The following KIAA0586 variants were observed in gnomAD, a reference collection of about 807,000 sequenced individuals.
The protein encoded by KIAA0586 is KIAA0586.
In KIAA0586, 144 loss-of-function variants were observed where a neutral mutation model predicts 169.8. The ratio of observed to expected loss-of-function variants is 0.85; its 90% CI spans 0.74 to 0.97. KIAA0586 has a LOEUF of 0.97. Among genes scored for constraint, KIAA0586 ranks in the 50% least tolerant of loss-of-function variants. The pLI, the probability that KIAA0586 is intolerant of heterozygous loss-of-function variation, is 0.00. For missense variants in KIAA0586, 1,854 were observed against 1,823.0 expected, an observed-to-expected ratio of 1.02 and a Z score of -0.31; for synonymous variants, 625 against 612.4, an observed-to-expected ratio of 1.02 and a Z score of -0.30.
chr14:58,472,263 TA>T lies in KIAA0586; in HGVS notation c.2620del (p.Ile874SerfsTer55). 6.4e-7 allele frequency: 1 copy of T among 1,567,574 alleles called. No individual in the cohort carries two copies. Among genetic ancestry groups the T allele is most frequent in the Non-Finnish European group, 8.7e-7 (1 of 1,154,306 alleles). On this transcript the variant is annotated frameshift_variant, in exon 18 of 31. Transcript: ENST00000652326. LOFTEE classifies it high-confidence loss of function. ...VKFPGTNFDE[I>X]IDVIQEEEKC... ...TTTCCAGGAACTAACTTTGATGAAA[TA>T]ATCGATGTCATACAGGTAACAAAGC... is the stretch of plus-strand genomic sequence containing the variant.
chr14:58,452,143 C>T (rs998852695), intron 8 of KIAA0586, among the ~76,000 whole-genome samples: 6 of 151,904 alleles, frequency 3.9e-5, no homozygotes, highest in Non-Finnish European at 7.4e-5. Context: ...GGGTGGGAAG[C>T]GGGTGAGGGA....
chr14:58,555,136 T>C (rs2047235490), downstream of KIAA0586, among the ~76,000 whole-genome samples: 1 of 144,350 alleles, frequency 6.9e-6, no homozygotes, highest in Admixed American at 7.4e-5. Flanking sequence ...AGTCTTGCTC[T>C]GTCGCCCAGG....
intron 26 of KIAA0586, among the ~76,000 whole-genome samples, chr14:58,496,372 C>G (rs1324096622): frequency 6.6e-6 from 1 of 152,060 alleles, no homozygotes; most frequent in African/African-American, 2.4e-5. Context: ...TCAGCAGTTG[C>G]AAATATCCTA....
chr14:58,533,679 G>A (rs1428409748), intron 29 of KIAA0586, among the ~76,000 whole-genome samples: 2 of 152,136 alleles, frequency 1.3e-5, no homozygotes, highest in East Asian at 1.9e-4. Flanking sequence ...GCACTGCTGC[G>A]ATGGCCTTGC....
At chr14:58,438,665 A>G (rs2038036818) in intron 4 of KIAA0586, among the ~76,000 whole-genome samples, 1 of 152,252 alleles carries the variant, frequency 6.6e-6, no homozygotes, top group Non-Finnish European at 1.5e-5. Context: ...GTTGATAGGT[A>G]GTAAATGCAA....
chr14:58,466,642 A>G (rs1279577671), intron 15 of KIAA0586, among the ~76,000 whole-genome samples: 2 of 152,144 alleles, frequency 1.3e-5, no homozygotes, highest in Non-Finnish European at 2.9e-5. Context: ...AAGCAGGAGA[A>G]TCCCTTCAGT....
downstream of KIAA0586, chr14:58,551,365 T>C (rs1473735984): frequency 1.3e-5 from 2 of 152,218 alleles, no homozygotes; most frequent in Non-Finnish European, 2.9e-5. Flanking sequence ...TAAACATATA[T>C]CTTAAGATCT....
chr14:58,495,937 G>A (rs76674762), intron 26 of KIAA0586, among the ~76,000 whole-genome samples: 224 of 152,222 alleles, frequency 1.5e-3, no homozygotes, highest in African/African-American at 5.0e-3. Context: ...CTAGCTGTAT[G>A]AGATCCCTTT....
At chr14:58,489,027 C>G (rs1687282252) in intron 24 of KIAA0586, among the ~76,000 whole-genome samples, 153 bp downstream of exon 24, 1 of 152,084 alleles carries the variant, frequency 6.6e-6, no homozygotes, top group South Asian at 2.1e-4. Context: ...GTTAACTTTT[C>G]TGGGTCTTAA....
At position 58,482,492 on chromosome 14, in the gene KIAA0586, A is replaced by AT. The variant is rs748594194; in HGVS notation, c.2945-9dup. On this transcript the variant is annotated intron_variant, in intron 20 of 30. Transcript: ENST00000652326. Reference sequence around the variant, plus strand: ...GCATGTTTCTTGCCCACTTATTCTGATTTTTTTTTTTTACTTTTAGTGGAA... The same window carrying AT: ...GCATGTTTCTTGCCCACTTATTCTGATTTTTTTTTTTTTACTTTTAGTGGAA... 0.039 allele frequency: 41,855 copies of AT among 1,076,144 alleles called. 21 individuals are homozygous for AT. Among genetic ancestry groups the AT allele is most frequent in the Non-Finnish European group, 0.044 (35,065 of 791,248 alleles). The allele number at this position is 1,076,144 out of a possible 1,614,324, so 66.7% of individuals were successfully genotyped here.
At chr14:58,440,612 G>A (rs935114501) in intron 4 of KIAA0586, among the ~76,000 whole-genome samples, 5 of 152,226 alleles carry the variant, frequency 3.3e-5, no homozygotes, top group Admixed American at 6.5e-5. Context: ...GATTACAGGC[G>A]TGAGCCACTG....
chr14:58,484,924 A>ATATATATATATTATTTTTT (rs1566877360), intron 21 of KIAA0586, among the ~76,000 whole-genome samples: 1 of 13,048 alleles, frequency 7.7e-5, no homozygotes, highest in Non-Finnish European at 1.3e-4. Context: ...ATATATATAT[A>ATATATATATATTATTTTTT]TTTTTTTTTT....
intron 29 of KIAA0586, among the ~76,000 whole-genome samples, chr14:58,516,081 TAAG>T (rs1433289976): frequency 2.0e-5 from 3 of 152,140 alleles, no homozygotes; most frequent in Non-Finnish European, 4.4e-5. Flanking sequence ...ATCAAGCAGA[TAAG>T]AAGTATTTGG....
chr14:58,474,600 C>T lies in KIAA0586; in HGVS notation c.2635-7C>T. ...GAATATAATAGTTTTGTTTTTGTTA[C>T]TACCAGGAAGAAGAAAAATGTGATG... On this transcript the variant is annotated splice_polypyrimidine_tract_variant and splice_region_variant and intron_variant, in intron 18 of 30. Transcript: ENST00000652326. 1.9e-6 allele frequency: 3 copies of T among 1,564,868 alleles called. No individual in the cohort carries two copies. The highest frequency in any genetic ancestry group is 2.6e-6 in the Non-Finnish European group (3 of 1,158,944).
intron 4 of KIAA0586, among the ~76,000 whole-genome samples, chr14:58,434,904 C>A (rs746503887): frequency 2.6e-5 from 4 of 151,772 alleles, no homozygotes; most frequent in African/African-American, 4.8e-5. Flanking sequence ...CCCTAACCGC[C>A]CCCCCGCCAG....
At chr14:58,471,709 G>C (rs1476575902) in intron 17 of KIAA0586, among the ~76,000 whole-genome samples, 4 of 152,108 alleles carry the variant, frequency 2.6e-5, no homozygotes, top group Admixed American at 1.3e-4. Flanking sequence ...TTTTTGGACT[G>C]TTTATCATTC....
chr14:58,488,509 T>A, intron 23 of KIAA0586, 112 bp from the exon 24 acceptor site: 1 of 1,266,638 alleles, frequency 7.9e-7, no homozygotes. Flanking sequence ...AGTGCAGATT[T>A]AAAAAAATAT....
At chr14:58,553,729 A>G (rs746413707), downstream of KIAA0586, among the ~76,000 whole-genome samples, 7 of 152,162 alleles carry the variant, frequency 4.6e-5, no homozygotes, top group Non-Finnish European at 7.3e-5. Context: ...ATTATGACAC[A>G]TGTAACTGTG....
At chr14:58,523,628 C>T (rs2045371510) in intron 29 of KIAA0586, among the ~76,000 whole-genome samples, 1 of 151,828 alleles carries the variant, frequency 6.6e-6, no homozygotes, top group Non-Finnish European at 1.5e-5. Context: ...GAGGTAAATA[C>T]TTAAGACTTG....
Sources: gnomAD v4.1 joint callset for allele counts (sites outside exome capture counted in the v4.1 genomes callset) on GRCh38, gnomAD v4.1.1 for gene constraint, MANE v1.5 for transcripts, NCBI Gene and HGNC (gene_info 2026-07-23, HGNC 2026-07-21) for gene names.